CAMTA1: variants seen among roughly 807,000 people sequenced by gnomAD.
The protein encoded by CAMTA1 is calmodulin binding transcription activator 1.
Under a neutral mutation model 170.9 loss-of-function variants are expected in CAMTA1, and 27 were observed. The observed-to-expected ratio is 0.16, with a 90% confidence interval of 0.12 to 0.22. CAMTA1 has a LOEUF of 0.22. Ranked by LOEUF, CAMTA1 falls within the 10% of genes least tolerant of loss-of-function variation. The pLI, the probability that CAMTA1 is intolerant of heterozygous loss-of-function variation, is 1.00. For missense variants in CAMTA1, 1,619 were observed against 2,217.2 expected, an observed-to-expected ratio of 0.73 and a Z score of 5.42; for synonymous variants, 833 against 891.5, an observed-to-expected ratio of 0.93 and a Z score of 1.17.
At chr1:7,638,533 T>A (rs1034149456) in intron 6 of CAMTA1, among the ~76,000 whole-genome samples, 12 of 152,102 alleles carry the variant, frequency 7.9e-5, no homozygotes, top group Non-Finnish European at 1.2e-4. Context: ...TCCCAGCTAC[T>A]CAGGAGGCTG....
rs1301040894 is a variant in CAMTA1, at chr1:6,990,781, CTCTG to C, written c.235-100519_235-100516del. 6.4e-3 allele frequency among the ~76,000 whole-genome samples: 772 copies of C among 121,512 alleles called. 4 individuals carry two copies. The highest frequency in any genetic ancestry group is 0.013 in the Middle Eastern group (3 of 236). The allele number at this position is 121,512 out of a possible 152,430, so 79.7% of individuals were successfully genotyped here. The stretch of plus-strand genomic sequence containing the variant: ...TTCATATAACATGTACTTTCTCTCT[CTCTG>C]TCTCTCTCTCTCTCTCTCTCTATAT... On this transcript the variant is annotated intron_variant, in intron 3 of 22. Coordinates refer to ENST00000303635, the MANE Select transcript of CAMTA1 (RefSeq NM_015215.4).
intron 3 of CAMTA1, among the ~76,000 whole-genome samples, chr1:7,051,372 C>T (rs1341417640): frequency 6.6e-6 from 1 of 152,194 alleles, no homozygotes; most frequent in Non-Finnish European, 1.5e-5. Context: ...AGATTACCTA[C>T]CGCTACTGCA....
At chr1:7,336,734 T>C (rs560008263) in intron 5 of CAMTA1, among the ~76,000 whole-genome samples, 45 of 152,262 alleles carry the variant, frequency 3.0e-4, no homozygotes, top group African/African-American at 1.0e-3. Context: ...TGATCGCATT[T>C]CTCTGTTTCA....
chr1:7,768,272 T>C lies in CAMTA1; in HGVS notation c.*1781T>C, dbSNP rs1170749232. 1 of 152,680 alleles carries C rather than the reference T, an allele frequency of 6.5e-6. No homozygotes were observed. Among genetic ancestry groups the C allele is most frequent in the Non-Finnish European group, 1.5e-5 (1 of 68,026 alleles). 9.5% of individuals were successfully genotyped at this position (152,680 alleles called of 1,614,324 possible). Reference sequence around the variant, plus strand: ...GGTCTTTTAGAGACGGCATGGTATATTACTATTTCCACATAATGAGGAGCC... The same window carrying C: ...GGTCTTTTAGAGACGGCATGGTATACTACTATTTCCACATAATGAGGAGCC... On this transcript the variant is annotated 3_prime_UTR_variant, in exon 23 of 23. Coordinates refer to ENST00000303635, the MANE Select transcript of CAMTA1 (RefSeq NM_015215.4).
At position 7,300,148 on chromosome 1, in the gene CAMTA1, A is replaced by G. The variant is rs1674552547; in HGVS notation, c.438+50522A>G. ...AAAATTCCCTTCGCAATAAAGCACCAGATTGAATGTCCGATGAGTCACAAA... is the reference window on the plus strand; with the variant it reads ...AAAATTCCCTTCGCAATAAAGCACCGGATTGAATGTCCGATGAGTCACAAA... On this transcript the variant is annotated intron_variant, in intron 5 of 22. Coordinates refer to ENST00000303635, the MANE Select transcript of CAMTA1 (RefSeq NM_015215.4). The surrounding 1 kb of genome is among the most constrained non-coding windows in gnomAD (Gnocchi z 4.1). Among the ~76,000 whole-genome samples the G allele has an allele frequency of 6.6e-6, 1 of 152,222 alleles. No homozygotes were observed. Among genetic ancestry groups the G allele is most frequent in the Non-Finnish European group, 1.5e-5 (1 of 68,032 alleles).
rs1676179806 is a variant in CAMTA1, at chr1:6,898,636, G to T, written c.234+73426G>T. On this transcript the variant is annotated intron_variant, in intron 3 of 22. Coordinates refer to ENST00000303635, the MANE Select transcript of CAMTA1 (RefSeq NM_015215.4). ...TAGTTCATAGAGTGTGAGAGAATGG[G>T]CTCATAATGGAACAGTTATCCTGGG... is the stretch of plus-strand genomic sequence containing the variant. Among the ~76,000 whole-genome samples the T allele has an allele frequency of 2.0e-5, 3 of 152,206 alleles. No homozygotes were observed. The South Asian group carries it at 6.2e-4, about 31-fold the overall frequency.
chr1:6,867,881 C>G (rs1201517304), intron 3 of CAMTA1, among the ~76,000 whole-genome samples: 1 of 152,088 alleles, frequency 6.6e-6, no homozygotes, highest in Non-Finnish European at 1.5e-5. Flanking sequence ...ACAGTCTCAG[C>G]TCACTGCTGC....
At chr1:6,956,092 C>T (rs1689410646) in intron 3 of CAMTA1, among the ~76,000 whole-genome samples, 1 of 152,128 alleles carries the variant, frequency 6.6e-6, no homozygotes. Context: ...GCTTGGGGCT[C>T]CCCAATCCCT....
Position 7,666,207 on chromosome 1 carries a change from C to A in CAMTA1, c.2652+1008C>A, listed in dbSNP as rs959911577. The stretch of plus-strand genomic sequence containing the variant: ...GAAAGAAAAAGTCACCATCATAGAT[C>A]GTCTACATCCACTGCCTTCACCCTA... On this transcript the variant is annotated intron_variant, in intron 9 of 22. Transcript: ENST00000303635. 2.0e-5 allele frequency among the ~76,000 whole-genome samples: 3 copies of A among 151,522 alleles called. No individual in the cohort carries two copies. The East Asian group carries it at 5.8e-4, about 29-fold the overall frequency.
chr1:6,875,175 CA>C (rs1194158097), intron 3 of CAMTA1, among the ~76,000 whole-genome samples: 1 of 152,232 alleles, frequency 6.6e-6, no homozygotes, highest in Non-Finnish European at 1.5e-5. Context: ...CATATCACAG[CA>C]CTGCTGCCTT....
At chr1:6,947,011 C>A (rs1188652343) in intron 3 of CAMTA1, among the ~76,000 whole-genome samples, 1 of 152,188 alleles carries the variant, frequency 6.6e-6, no homozygotes, top group Non-Finnish European at 1.5e-5. Flanking sequence ...AGGGATCTAA[C>A]TCCATTCTTT....
chr1:6,919,694 C>CA (rs1681574356), intron 3 of CAMTA1, among the ~76,000 whole-genome samples: 1 of 152,202 alleles, frequency 6.6e-6, no homozygotes, highest in South Asian at 2.1e-4. Flanking sequence ...TAATTGGACT[C>CA]ACAGTTCTAC....
At position 6,971,793 on chromosome 1, in the gene CAMTA1, C is replaced by T. The variant is rs1193317089; in HGVS notation, c.235-119511C>T. On this transcript the variant is annotated intron_variant, in intron 3 of 22. Coordinates refer to ENST00000303635, the MANE Select transcript of CAMTA1 (RefSeq NM_015215.4). The surrounding 1 kb of genome is among the most constrained non-coding windows in gnomAD (Gnocchi z 4.6). ...AAAAGGCCAGGCCTGCCTGTGGCCGCCCCCGGGTCTCAGCAATGGCATTAT... is the reference window on the plus strand; with the variant it reads ...AAAAGGCCAGGCCTGCCTGTGGCCGTCCCCGGGTCTCAGCAATGGCATTAT... 6.6e-6 allele frequency among the ~76,000 whole-genome samples: 1 copy of T among 152,198 alleles called. No homozygotes were observed. The highest frequency in any genetic ancestry group is 1.9e-4 in the East Asian group (1 of 5,192).
intron 4 of CAMTA1, among the ~76,000 whole-genome samples, chr1:7,151,170 C>T (rs888176590): frequency 6.6e-6 from 1 of 152,246 alleles, no homozygotes. Context: ...GGCCTCCTCT[C>T]CCTTGGCCAG....
intron 4 of CAMTA1, among the ~76,000 whole-genome samples, chr1:7,231,230 A>G (rs1450829498): frequency 6.6e-6 from 1 of 152,090 alleles, no homozygotes; most frequent in Non-Finnish European, 1.5e-5. Context: ...AGGGCTGAGG[A>G]GGAGGATAGC....
At chr1:7,519,676 G>GT (rs1473226117) in intron 6 of CAMTA1, among the ~76,000 whole-genome samples, 1 of 151,802 alleles carries the variant, frequency 6.6e-6, no homozygotes, top group Non-Finnish European at 1.5e-5. Context: ...ACACAGCTGT[G>GT]TACAGACATG....
intron 6 of CAMTA1, among the ~76,000 whole-genome samples, chr1:7,594,138 A>AGAAAGAAAGAAG (rs1491346440): frequency 7.4e-5 from 11 of 149,528 alleles, no homozygotes; most frequent in African/African-American, 2.7e-4. Context: ...AAAGAAAGAA[A>AGAAAGAAAGAAG]GAAGGAAGGA....
At chr1:7,261,730 A>G (rs887487200) in intron 5 of CAMTA1, among the ~76,000 whole-genome samples, 5 of 152,246 alleles carry the variant, frequency 3.3e-5, no homozygotes, top group Admixed American at 2.6e-4. Flanking sequence ...ACCTCAGGAC[A>G]GAGGATGCAG....
chr1:7,622,666 G>A (rs1340596325), intron 6 of CAMTA1, among the ~76,000 whole-genome samples: 1 of 152,198 alleles, frequency 6.6e-6, no homozygotes, highest in Non-Finnish European at 1.5e-5. Context: ...AAATGCTGAG[G>A]TTTTTCTTCT....
Sources: gnomAD v4.1 joint callset for allele counts (sites outside exome capture counted in the v4.1 genomes callset) on GRCh38, gnomAD v4.1.1 for gene constraint, Gnocchi (gnomAD v3.1) non-coding constraint, MANE v1.5 for transcripts, NCBI Gene and HGNC (gene_info 2026-07-23, HGNC 2026-07-21) for gene names.